The following LYRM4 variants were observed in gnomAD, a reference collection of about 807,000 sequenced individuals.
The protein encoded by LYRM4 is LYR motif containing 4.
In LYRM4, 9 loss-of-function variants were observed where a neutral mutation model predicts 11.7. The ratio of observed to expected loss-of-function variants is 0.77; its 90% CI spans 0.46 to 1.34. LYRM4 has a LOEUF of 1.34. Ranked by LOEUF, LYRM4 falls within the 40% of genes most tolerant of loss-of-function variation. The pLI is 0.00. For synonymous variants in LYRM4, 42 were observed against 40.4 expected, an observed-to-expected ratio of 1.04 and a Z score of -0.15; for missense variants, 133 against 112.5, an observed-to-expected ratio of 1.18 and a Z score of -0.82.
the LYRM4 span, among the ~76,000 whole-genome samples, chr6:5,050,691 C>T: frequency 1.3e-5 from 2 of 152,156 alleles, no homozygotes; most frequent in Non-Finnish European, 2.9e-5. Flanking sequence ...CTTAAGTTTA[C>T]AGTTAAGGCT....
chr6:5,231,314 C>T (rs1284385425), intron 1 of LYRM4, among the ~76,000 whole-genome samples: 3 of 152,194 alleles, frequency 2.0e-5, no homozygotes, highest in Non-Finnish European at 4.4e-5. Context: ...CTAAAAAAGG[C>T]TGCAGGGCCG....
At chr6:5,257,014 T>A (rs1240612272) in intron 1 of LYRM4, among the ~76,000 whole-genome samples, 2 of 152,178 alleles carry the variant, frequency 1.3e-5, no homozygotes, top group Non-Finnish European at 2.9e-5. Flanking sequence ...ACTATTCCTG[T>A]CCTTACTAGC....
rs982006709 is a variant in LYRM4 at position 5,109,143 on chromosome 6, G to C, written c.*280C>G. On this transcript the variant is annotated 3_prime_UTR_variant, in exon 3 of 3. Transcript: ENST00000330636. Reference sequence around the variant, plus strand: ...TAGAAATGCTATACACAATGGTCATGAGCTACAAGGTAGGAATGGGGTGCA... The same window carrying C: ...TAGAAATGCTATACACAATGGTCATCAGCTACAAGGTAGGAATGGGGTGCA... 2.3e-6 allele frequency: 3 copies of C among 1,276,846 alleles called. No homozygotes were observed. The highest frequency in any genetic ancestry group is 3.0e-6 in the Non-Finnish European group (3 of 1,003,946). The allele number at this position is 1,276,846 out of a possible 1,614,324, so 79.1% of individuals were successfully genotyped here. A position where few individuals can be genotyped will look rare whatever the true frequency, so the allele number is the denominator to read the frequency against.
downstream of LYRM4, among the ~76,000 whole-genome samples, chr6:5,101,968 C>CTTTCTTTTTTTTTTTTTTTTTT (rs1554124642): frequency 2.9e-5 from 2 of 67,986 alleles, no homozygotes; most frequent in East Asian, 1.3e-3. Context: ...CTAATGCTTT[C>CTTTCTTTTTTTTTTTTTTTTTT]TTTTTTTTTT....
chr6:5,085,951 G>T, the LYRM4 span: 2 of 1,527,320 alleles, frequency 1.3e-6, no homozygotes, highest in Non-Finnish European at 1.7e-6. Context: ...GGAGCCGCAG[G>T]TGCCGCCCGC....
the LYRM4 span, among the ~76,000 whole-genome samples, chr6:5,080,728 C>T: frequency 1.3e-5 from 2 of 152,132 alleles, no homozygotes; most frequent in Non-Finnish European, 2.9e-5. Context: ...AATCCGACTA[C>T]AGGGTTTGAG....
intron 1 of LYRM4, among the ~76,000 whole-genome samples, chr6:5,217,667 G>T (rs191977351): frequency 6.6e-6 from 1 of 152,206 alleles, no homozygotes. Context: ...TGCAATTACT[G>T]TTCCCTCTCC....
the LYRM4 span, among the ~76,000 whole-genome samples, chr6:5,064,651 C>T: frequency 1.3e-5 from 2 of 152,132 alleles, no homozygotes; most frequent in East Asian, 1.9e-4. Context: ...GCAATCCTCT[C>T]GCCTCAGCCT....
At chr6:5,250,805 TTC>T (rs1307332454) in intron 1 of LYRM4, among the ~76,000 whole-genome samples, 1 of 152,268 alleles carries the variant, frequency 6.6e-6, no homozygotes, top group East Asian at 1.9e-4. Context: ...CTTTACTATG[TTC>T]TTACATATGG....
chr6:5,186,890 A>G (rs1760428769), intron 2 of LYRM4: 2 of 426,128 alleles, frequency 4.7e-6, no homozygotes, highest in Middle Eastern at 1.4e-3. Flanking sequence ...AGGCTGAGGC[A>G]GGAGAATTGC....
chr6:5,080,493 G>A, the LYRM4 span, among the ~76,000 whole-genome samples: 1 of 152,178 alleles, frequency 6.6e-6, no homozygotes, highest in Non-Finnish European at 1.5e-5. Flanking sequence ...AAGCTGTAAG[G>A]CCTGGTTTTG....
chr6:5,249,198 T>C (rs1283061543), intron 1 of LYRM4, among the ~76,000 whole-genome samples: 1 of 152,212 alleles, frequency 6.6e-6, no homozygotes, highest in Non-Finnish European at 1.5e-5. Context: ...GCAACTGTAG[T>C]AGTCTCAATT....
intron 2 of LYRM4, among the ~76,000 whole-genome samples, chr6:5,192,597 G>A (rs1263301019): frequency 6.6e-6 from 1 of 152,126 alleles, no homozygotes; most frequent in East Asian, 1.9e-4. Flanking sequence ...GCCTGTGAGG[G>A]GCACCATCCA....
At chr6:5,223,938 G>A (rs1027803702) in intron 1 of LYRM4, among the ~76,000 whole-genome samples, 2 of 152,076 alleles carry the variant, frequency 1.3e-5, no homozygotes, top group Non-Finnish European at 2.9e-5. Flanking sequence ...CAACTGCATC[G>A]GCATGGATGG....
chr6:5,224,818 G>C (rs1445874198), intron 1 of LYRM4, among the ~76,000 whole-genome samples: 1 of 151,626 alleles, frequency 6.6e-6, no homozygotes, highest in African/African-American at 2.4e-5. Flanking sequence ...AATTTAGCCA[G>C]GCATGGTGAT....
chr6:5,112,579 G>C (rs896507584), intron 2 of LYRM4, among the ~76,000 whole-genome samples: 5 of 152,226 alleles, frequency 3.3e-5, no homozygotes, highest in Non-Finnish European at 2.9e-5. Flanking sequence ...AGCACCTCCT[G>C]CTCCAGGCAC....
intron 2 of LYRM4, among the ~76,000 whole-genome samples, chr6:5,188,161 G>A (rs991589545): frequency 1.3e-5 from 2 of 152,070 alleles, no homozygotes; most frequent in East Asian, 1.9e-4. Flanking sequence ...ACCAGCCTGC[G>A]AAACATGATG....
intron 2 of LYRM4, among the ~76,000 whole-genome samples, chr6:5,130,356 T>G (rs1763896563): frequency 6.6e-6 from 1 of 152,202 alleles, no homozygotes; most frequent in Admixed American, 6.5e-5. Flanking sequence ...AAGCAGGGGC[T>G]AGAGAGCAAG....
intron 1 of LYRM4, among the ~76,000 whole-genome samples, chr6:5,259,825 C>A (rs1331093189): frequency 2.0e-5 from 3 of 151,726 alleles, no homozygotes; most frequent in Admixed American, 6.6e-5. Flanking sequence ...AAAAACAAAT[C>A]TAAAAAAAAA....
Sources: gnomAD v4.1 joint callset for allele counts (sites outside exome capture counted in the v4.1 genomes callset) on GRCh38, gnomAD v4.1.1 for gene constraint, MANE v1.5 for transcripts, NCBI Gene and HGNC (gene_info 2026-07-23, HGNC 2026-07-21) for gene names.